Variants in FGF12 observed in about 807,000 individuals in gnomAD.
FGF12 encodes fibroblast growth factor 12B.
A neutral mutation model predicts 23.6 loss-of-function variants in FGF12; 14 were observed. The ratio of observed to expected loss-of-function variants is 0.59; its 90% confidence interval spans 0.39 to 0.93. The LOEUF is 0.93. Among genes scored for constraint, FGF12 ranks in the 40% least tolerant of loss-of-function variants. The probability of loss-of-function intolerance (pLI) is 0.00; values close to 1 mark genes in which losing one functional copy is unlikely to be tolerated. For missense variants in FGF12, 175 were observed against 217.8 expected (o/e 0.80, Z 1.24); for synonymous variants, 62 against 77.3 (o/e 0.80, Z 1.04).
At chr3:192,183,797 C>T (rs1275341060) in intron 4 of FGF12, among the ~76,000 whole-genome samples, 1 of 152,178 alleles carries the variant, frequency 6.6e-6, no homozygotes, top group Non-Finnish European at 1.5e-5. Flanking sequence ...CGATCAAGAC[C>T]ATGGCGCTAA....
intron 2 of FGF12, among the ~76,000 whole-genome samples, chr3:192,526,745 G>C (rs1724954989): frequency 6.6e-6 from 1 of 152,184 alleles, no homozygotes; most frequent in Admixed American, 6.5e-5. Context: ...CCGAGTTGCA[G>C]AATAGTTATA....
chr3:192,487,961 C>T (rs1160493481), intron 2 of FGF12, among the ~76,000 whole-genome samples: 2 of 152,072 alleles, frequency 1.3e-5, no homozygotes, highest in Non-Finnish European at 2.9e-5. Flanking sequence ...GGCTATGAGA[C>T]ATGCAGCACA....
intron 4 of FGF12, among the ~76,000 whole-genome samples, chr3:192,216,341 C>T (rs1026637325): frequency 4.6e-5 from 7 of 152,166 alleles, no homozygotes; most frequent in Non-Finnish European, 8.8e-5. Flanking sequence ...TATTCCCTGC[C>T]ACCCAGATCT....
chr3:192,247,920 T>G (rs571871174), intron 4 of FGF12, among the ~76,000 whole-genome samples: 27 of 152,190 alleles, frequency 1.8e-4, no homozygotes, highest in Admixed American at 1.8e-3. Context: ...TTGTAATGTC[T>G]AAAAAATTAG....
At chr3:192,250,820 A>C (rs1711957146) in intron 4 of FGF12, among the ~76,000 whole-genome samples, 1 of 152,134 alleles carries the variant, frequency 6.6e-6, no homozygotes, top group Non-Finnish European at 1.5e-5. Context: ...CTAGAAAGGA[A>C]GGATCCAACT....
chr3:192,219,788 T>C (rs1426465967), intron 4 of FGF12, among the ~76,000 whole-genome samples: 9 of 152,226 alleles, frequency 5.9e-5, no homozygotes, highest in Non-Finnish European at 1.0e-4. Context: ...CACTGCACTA[T>C]GTAGACCCTG....
chr3:192,557,066 A>G (rs964292138), intron 2 of FGF12, among the ~76,000 whole-genome samples: 1 of 151,980 alleles, frequency 6.6e-6, no homozygotes, highest in Non-Finnish European at 1.5e-5. Flanking sequence ...CAGCCGTAAG[A>G]GGGAGTTTTA....
At position 192,537,950 on chromosome 3, in the gene FGF12, C is replaced by CTTTTTTTTTTTTT. The variant is rs370317111; in HGVS notation, c.14-177425_14-177413dup. On this transcript the variant is annotated intron_variant, in intron 2 of 5. Coordinates refer to ENST00000445105, the MANE Select transcript of FGF12 (RefSeq NM_004113.6). ...AAGGTCTTAGATTTAAGCCTTTAAC[C>CTTTTTTTTTTTTT]TTTTTTTTTTTTTGAGATGGAGTTT... is the stretch of plus-strand genomic sequence containing the variant. Among the ~76,000 whole-genome samples the CTTTTTTTTTTTTT allele has an allele frequency of 9.1e-5, 11 of 121,388 alleles. 1 individual carries two copies. The highest frequency in any genetic ancestry group is 2.1e-4 in the African/African-American group (7 of 33,730). 79.6% of individuals were successfully genotyped at this position (121,388 alleles called of 152,430 possible).
chr3:192,392,802 T>C (rs1010166872), intron 2 of FGF12, among the ~76,000 whole-genome samples: 21 of 152,204 alleles, frequency 1.4e-4, no homozygotes, highest in African/African-American at 5.1e-4. Context: ...AAGTAGACAA[T>C]GGATGTCTGT....
intron 2 of FGF12, among the ~76,000 whole-genome samples, chr3:192,396,564 C>A (rs1475666260): frequency 1.3e-5 from 2 of 152,176 alleles, no homozygotes; most frequent in Non-Finnish European, 2.9e-5. Flanking sequence ...AGTCTTATTT[C>A]TTTCTTCCAT....
chr3:192,442,372 T>C (rs1037056357), intron 2 of FGF12, among the ~76,000 whole-genome samples: 2 of 152,240 alleles, frequency 1.3e-5, no homozygotes, highest in Admixed American at 1.3e-4. Flanking sequence ...CATCTACTGA[T>C]TATTAATTGA....
intron 2 of FGF12, among the ~76,000 whole-genome samples, chr3:192,606,784 A>G (rs1216811495): frequency 6.6e-6 from 1 of 152,134 alleles, no homozygotes; most frequent in Admixed American, 6.6e-5. Context: ...TTCTATTCTC[A>G]AGTCTGGGCT....
At chr3:192,451,467 C>G (rs1467567268) in intron 2 of FGF12, among the ~76,000 whole-genome samples, 1 of 152,158 alleles carries the variant, frequency 6.6e-6, no homozygotes. Flanking sequence ...AACCAGCCTA[C>G]TGTACCAGGA....
In FGF12 at chr3:192,664,594, C is replaced by CAA. The variant is rs1482447213; in HGVS notation, c.13+62585_13+62586dup. ...TGAAACCCTGTCTCTACTAAAAATA[C>CAA]AAAAAAAATACAAAAAAAAAAAAAA... On this transcript the variant is annotated intron_variant, in intron 2 of 5. Transcript: ENST00000445105. Among the ~76,000 whole-genome samples, 24 of 97,066 alleles carry CAA rather than the reference C, an allele frequency of 2.5e-4. 1 individual carries two copies. The highest frequency in any genetic ancestry group is 6.1e-4 in the East Asian group (2 of 3,302). 63.7% of individuals were successfully genotyped at this position (97,066 alleles called of 152,430 possible). A position where few individuals can be genotyped will look rare whatever the true frequency, so the allele number is the denominator to read the frequency against.
chr3:192,387,511 T>C (rs1259570306), intron 2 of FGF12, among the ~76,000 whole-genome samples: 1 of 152,106 alleles, frequency 6.6e-6, no homozygotes, highest in Non-Finnish European at 1.5e-5. Context: ...TTATTACTAA[T>C]TTCATTCTTT....
At chr3:192,701,479 T>C (rs1400410727) in intron 2 of FGF12, among the ~76,000 whole-genome samples, 4 of 152,194 alleles carry the variant, frequency 2.6e-5, no homozygotes, top group Non-Finnish European at 2.9e-5. Flanking sequence ...CAAGCAGTAG[T>C]AACTTTAAAC....
chr3:192,289,393 G>A (rs528053238), intron 4 of FGF12, among the ~76,000 whole-genome samples: 1 of 152,242 alleles, frequency 6.6e-6, no homozygotes, highest in Admixed American at 6.5e-5. Flanking sequence ...CTGGTGATTT[G>A]GAGCAACAGG....
chr3:192,270,220 C>A (rs1191951689), intron 4 of FGF12, among the ~76,000 whole-genome samples: 2 of 152,134 alleles, frequency 1.3e-5, no homozygotes, highest in African/African-American at 4.8e-5. Context: ...CTTGAAACAA[C>A]TTCCCACAGC....
chr3:192,448,498 G>A (rs1040367766), intron 2 of FGF12, among the ~76,000 whole-genome samples: 1 of 152,162 alleles, frequency 6.6e-6, no homozygotes, highest in Non-Finnish European at 1.5e-5. Context: ...TACCAGAACT[G>A]TAAGCAGGAC....
Sources: allele counts gnomAD v4.1 joint callset (sites outside exome capture counted in the v4.1 genomes callset), GRCh38; gene constraint gnomAD v4.1.1; transcripts MANE v1.5; gene names NCBI Gene and HGNC (gene_info 2026-07-23, HGNC 2026-07-21).